The following PRKN variants were observed in gnomAD, a reference collection of about 807,000 sequenced individuals.
PRKN encodes the protein E3 ubiquitin-protein ligase parkin.
A neutral mutation model predicts 59.5 loss-of-function variants in PRKN; 56 were observed. That is an observed-to-expected ratio of 0.94 (90% CI 0.76 to 1.18). The LOEUF is 1.18. Among genes scored for constraint, PRKN ranks in the 50% most tolerant of loss-of-function variants. The pLI, the probability that PRKN is intolerant of heterozygous loss-of-function variation, is 0.00. For missense variants in PRKN, 657 were observed against 596.4 expected (o/e 1.10, Z -1.06); for synonymous variants, 250 against 222.1 (o/e 1.13, Z -1.12).
intron 3 of PRKN, among the ~76,000 whole-genome samples, chr6:162,246,610 G>A (rs550756623): frequency 1.3e-5 from 2 of 152,196 alleles, no homozygotes; most frequent in Admixed American, 6.5e-5. Context: ...CAATGGAACA[G>A]TTTTAATAAT....
At chr6:161,880,915 T>C (rs1477827764) in intron 6 of PRKN, among the ~76,000 whole-genome samples, 5 of 152,160 alleles carry the variant, frequency 3.3e-5, no homozygotes, top group Non-Finnish European at 7.3e-5. Context: ...ACGTGGGAGA[T>C]TGTTTCCCCA....
chr6:162,031,547 T>TTG (rs1051110261), intron 5 of PRKN, among the ~76,000 whole-genome samples: 21 of 151,702 alleles, frequency 1.4e-4, no homozygotes, highest in African/African-American at 4.6e-4. Flanking sequence ...TCTTTTTTTT[T>TTG]TTTTTGAGAT....
chr6:161,486,397 A>T (rs1390004298), intron 9 of PRKN, among the ~76,000 whole-genome samples: 5 of 152,232 alleles, frequency 3.3e-5, no homozygotes, highest in Non-Finnish European at 7.3e-5. Flanking sequence ...TGATATATTT[A>T]AAAATGAAAT....
chr6:161,689,600 C>T lies in PRKN; in HGVS notation c.871+96172G>A, dbSNP rs537947872. Among the ~76,000 whole-genome samples the T allele has an allele frequency of 2.0e-5, 3 of 152,272 alleles. No individual in the cohort carries two copies. In the South Asian group the frequency reaches 6.2e-4, roughly 32 times the overall value. On this transcript the variant is annotated intron_variant, in intron 7 of 11. Coordinates refer to ENST00000366898, the MANE Select transcript of PRKN (RefSeq NM_004562.3). Reference sequence around the variant, plus strand: ...ATGCCCTGAGTGTCCCTGGCCAATGCATTTCTAGGGGTTTCCATGCTAGAT... The same window carrying T: ...ATGCCCTGAGTGTCCCTGGCCAATGTATTTCTAGGGGTTTCCATGCTAGAT...
intron 4 of PRKN, among the ~76,000 whole-genome samples, chr6:162,167,638 A>C (rs555664590): frequency 1.3e-5 from 2 of 152,058 alleles, no homozygotes; most frequent in Admixed American, 1.3e-4. Flanking sequence ...AAAACAAGTA[A>C]ATTTAGGACA....
intron 7 of PRKN, among the ~76,000 whole-genome samples, chr6:161,737,908 T>C (rs1048244433): frequency 6.6e-6 from 1 of 152,176 alleles, no homozygotes; most frequent in Non-Finnish European, 1.5e-5. Flanking sequence ...ACATATTACA[T>C]CCCGTTTAAC....
At chr6:161,489,206 T>C (rs745733621) in intron 9 of PRKN, among the ~76,000 whole-genome samples, 8 of 151,272 alleles carry the variant, frequency 5.3e-5, no homozygotes, top group Non-Finnish European at 1.0e-4. Context: ...AGTTGCCTTG[T>C]CAGTTAAGTG....
At chr6:161,859,601 ACTCT>A (rs1159529608) in intron 6 of PRKN, among the ~76,000 whole-genome samples, 1 of 113,590 alleles carries the variant, frequency 8.8e-6, no homozygotes. Context: ...ACAGAGTGAG[ACTCT>A]CTCTCAAAAA....
At chr6:162,303,838 G>A (rs556943719) in intron 2 of PRKN, among the ~76,000 whole-genome samples, 23 of 152,176 alleles carry the variant, frequency 1.5e-4, no homozygotes, top group South Asian at 4.1e-4. Flanking sequence ...GAAACATGGC[G>A]TTGATGGAAC....
chr6:161,679,627 G>A (rs1785227219), intron 7 of PRKN, among the ~76,000 whole-genome samples: 1 of 144,944 alleles, frequency 6.9e-6, no homozygotes, highest in African/African-American at 2.6e-5. Context: ...ACTGGAAAAT[G>A]GGGAAGCAAG....
chr6:162,461,554 C>G (rs377338459), intron 1 of PRKN, among the ~76,000 whole-genome samples: 199 of 57,646 alleles, frequency 3.5e-3, no homozygotes, highest in Non-Finnish European at 3.2e-3. Context: ...GAAAAGAAAA[C>G]AAAAAAAGAA....
intron 7 of PRKN, among the ~76,000 whole-genome samples, chr6:161,577,270 G>T (rs995068482): frequency 1.3e-5 from 2 of 152,136 alleles, no homozygotes; most frequent in African/African-American, 4.8e-5. Flanking sequence ...GGCAGAAAAA[G>T]AACTAAACTA....
chr6:162,035,836 G>A (rs1267765080), intron 5 of PRKN, among the ~76,000 whole-genome samples: 2 of 152,148 alleles, frequency 1.3e-5, no homozygotes, highest in African/African-American at 4.8e-5. Flanking sequence ...TGCATAAAAA[G>A]TAATTTGTAG....
chr6:161,520,902 G>C (rs1235349026), intron 9 of PRKN, among the ~76,000 whole-genome samples: 1 of 152,252 alleles, frequency 6.6e-6, no homozygotes, highest in African/African-American at 2.4e-5. Flanking sequence ...ATCTGACATA[G>C]GGTCAATACC....
In PRKN at chr6:162,070,141, T is replaced by C. The variant is rs568868574; in HGVS notation, c.535-15967A>G. 6.6e-5 allele frequency among the ~76,000 whole-genome samples: 10 copies of C among 152,344 alleles called. No homozygotes were observed. In the East Asian group the frequency reaches 1.4e-3, roughly 21 times the overall value. ...TGGTCATGTGTTGATAATTTGTTCA[T>C]GTGTAACTGCAGAACTGTTTCCCAA... On this transcript the variant is annotated intron_variant, in intron 4 of 11. Transcript: ENST00000366898.
At chr6:162,487,377 C>A (rs781767282) in intron 1 of PRKN, among the ~76,000 whole-genome samples, 1 of 152,168 alleles carries the variant, frequency 6.6e-6, no homozygotes, top group Non-Finnish European at 1.5e-5. Flanking sequence ...GGCCAAGTGA[C>A]TGGTTTTCTG....
chr6:161,366,567 G>C (rs1356594954), intron 10 of PRKN, among the ~76,000 whole-genome samples: 2 of 152,190 alleles, frequency 1.3e-5, no homozygotes, highest in African/African-American at 4.8e-5. Context: ...CCTTGTGGTC[G>C]AACTTAGCCA....
intron 1 of PRKN, among the ~76,000 whole-genome samples, chr6:162,538,679 A>G (rs151079693): frequency 0.012 from 1,839 of 152,266 alleles, 19 homozygotes; most frequent in Non-Finnish European, 0.017. Context: ...ATTTAACTTG[A>G]GATCAACCGA....
rs1781806849 is a variant in PRKN at position 161,593,645 on chromosome 6, T to C, written c.872-24229A>G. Among the ~76,000 whole-genome samples the C allele has an allele frequency of 6.6e-6, 1 of 152,124 alleles. No individual in the cohort carries two copies. Among genetic ancestry groups the C allele is most frequent in the South Asian group, 2.1e-4 (1 of 4,828 alleles). On this transcript the variant is annotated intron_variant, in intron 7 of 11. Coordinates refer to ENST00000366898, the MANE Select transcript of PRKN (RefSeq NM_004562.3). The surrounding 1 kb of genome is among the most constrained non-coding windows in gnomAD (Gnocchi z 4.8). ...AGGGGTTGCGCTGCCACTTTTATCC[T>C]GAGGAACCGGCTGGACAGTGGTGCC...
Sources: gnomAD v4.1 joint callset for allele counts (sites outside exome capture counted in the v4.1 genomes callset) on GRCh38, gnomAD v4.1.1 for gene constraint, Gnocchi (gnomAD v3.1) non-coding constraint, MANE v1.5 for transcripts, NCBI Gene and HGNC (gene_info 2026-07-23, HGNC 2026-07-21) for gene names.